Variants in ODAD2 observed in about 807,000 individuals in gnomAD.
ODAD2 encodes outer dynein arm docking complex subunit 2, also known as outer dynein arm-docking complex subunit 2.
Under a neutral mutation model 106.8 loss-of-function variants are expected in ODAD2, and 89 were observed. That is an observed-to-expected ratio of 0.83 (90% CI 0.70 to 0.99). The LOEUF (loss-of-function observed/expected upper bound fraction) is 0.99, where lower values mean the gene tolerates loss of function less well. ODAD2 is among the 50% of genes least tolerant of loss of function. The pLI, the probability that ODAD2 is intolerant of heterozygous loss-of-function variation, is 0.00. For synonymous variants in ODAD2, 404 were observed against 436.2 expected, an observed-to-expected ratio of 0.93 and a Z score of 0.92; for missense variants, 1,168 against 1,238.5, an observed-to-expected ratio of 0.94 and a Z score of 0.85.
chr10:27,853,521 A>C (rs1839440972), intron 19 of ODAD2, among the ~76,000 whole-genome samples: 1 of 152,280 alleles, frequency 6.6e-6, no homozygotes, highest in East Asian at 1.9e-4. Flanking sequence ...AAAAAAACCA[A>C]GGGTGTCTAT....
rs933128345 is a variant in ODAD2 at position 27,984,313 on chromosome 10, C to T, written c.576-23G>A. On this transcript the variant is annotated intron_variant, in intron 4 of 19. Coordinates refer to ENST00000305242, the MANE Select transcript of ODAD2 (RefSeq NM_018076.5). ...TCTCTGAAATAAATGTTTAAAATGT[C>T]AGCTTAAATACTTTAAACAGAATCT... 4.1e-6 allele frequency: 6 copies of T among 1,473,738 alleles called. No individual in the cohort carries two copies. In the African/African-American group the frequency reaches 6.9e-5, roughly 17 times the overall value. 91.3% of individuals were successfully genotyped at this position (1,473,738 alleles called of 1,614,324 possible).
chr10:27,892,613 A>G (rs2133719359), intron 17 of ODAD2, among the ~76,000 whole-genome samples: 1 of 152,376 alleles, frequency 6.6e-6, no homozygotes, highest in African/African-American at 2.4e-5. Flanking sequence ...GAAGTTTTAA[A>G]CTTAACTGAA....
At chr10:27,818,574 T>C (rs755277921) in intron 19 of ODAD2, among the ~76,000 whole-genome samples, 2 of 152,214 alleles carry the variant, frequency 1.3e-5, no homozygotes, top group Non-Finnish European at 2.9e-5. Context: ...GACCTAATCC[T>C]ATACTAAGAG....
intron 17 of ODAD2, among the ~76,000 whole-genome samples, chr10:27,894,514 T>A (rs1319370002): frequency 6.6e-6 from 1 of 151,958 alleles, no homozygotes; most frequent in African/African-American, 2.4e-5. Flanking sequence ...ATGCTAAAAT[T>A]TTTACCAAAG....
chr10:27,937,467 C>G (rs1225454779), intron 14 of ODAD2, among the ~76,000 whole-genome samples: 1 of 151,694 alleles, frequency 6.6e-6, no homozygotes, highest in Non-Finnish European at 1.5e-5. Context: ...TTTCTCCAAT[C>G]AAGTTTCTAT....
At chr10:27,972,128 A>G (rs1181341549) in intron 7 of ODAD2, among the ~76,000 whole-genome samples, 1 of 152,208 alleles carries the variant, frequency 6.6e-6, no homozygotes, top group Non-Finnish European at 1.5e-5. Flanking sequence ...AATGTGTGAC[A>G]ACAATAACAC....
At chr10:27,827,949 C>T (rs928122100) in intron 19 of ODAD2, among the ~76,000 whole-genome samples, 4 of 152,030 alleles carry the variant, frequency 2.6e-5, no homozygotes, top group South Asian at 2.1e-4. Context: ...TTCTAGCAAG[C>T]GGATTGGCCA....
At chr10:27,883,619 A>C (rs983090872) in intron 17 of ODAD2, among the ~76,000 whole-genome samples, 1 of 152,160 alleles carries the variant, frequency 6.6e-6, no homozygotes, top group Non-Finnish European at 1.5e-5. Context: ...AGTTATTATA[A>C]ACATATTTGC....
intron 10 of ODAD2, among the ~76,000 whole-genome samples, chr10:27,946,760 G>T (rs1169710775): frequency 2.0e-5 from 3 of 152,058 alleles, no homozygotes; most frequent in African/African-American, 7.2e-5. Context: ...TCCTTCTTAT[G>T]ACACATGTAC....
chr10:27,991,639 G>T (rs1850246229), intron 2 of ODAD2, among the ~76,000 whole-genome samples: 1 of 152,092 alleles, frequency 6.6e-6, no homozygotes, highest in Non-Finnish European at 1.5e-5. Flanking sequence ...ATCTACTTCG[G>T]CAGAATTTCA....
At chr10:27,966,539 T>C (rs1848500173) in intron 9 of ODAD2, among the ~76,000 whole-genome samples, 1 of 152,192 alleles carries the variant, frequency 6.6e-6, no homozygotes. Flanking sequence ...TTTGATATGA[T>C]TTCTTCCAAT....
intron 10 of ODAD2, among the ~76,000 whole-genome samples, chr10:27,947,820 G>A (rs1041333559): frequency 5.3e-5 from 8 of 152,158 alleles, no homozygotes; most frequent in Admixed American, 2.0e-4. Flanking sequence ...CCAGGTCTAC[G>A]CAGTGAAGAA....
rs71391007 is a variant in ODAD2 at position 27,998,930 on chromosome 10, G to GCGC, written c.-39+61_-39+63dup. 138 of 156,354 alleles carry GCGC rather than the reference G, an allele frequency of 8.8e-4. 1 individual carries two copies. The highest frequency in any genetic ancestry group is 2.3e-3 in the African/African-American group (95 of 41,412). The allele number at this position is 156,354 out of a possible 1,614,324, so 9.7% of individuals were successfully genotyped here. On this transcript the variant is annotated intron_variant, in intron 1 of 19. Coordinates refer to ENST00000305242, the MANE Select transcript of ODAD2 (RefSeq NM_018076.5). ...CTACAGGGCCCGTGCCCTCCCCCGGGCGCCGCCGCCGCCGCCTTCCGCTCC... is the reference window on the plus strand; with the variant it reads ...CTACAGGGCCCGTGCCCTCCCCCGGGCGCCGCCGCCGCCGCCGCCTTCCGCTCC...
At chr10:27,871,072 T>C (rs987243614) in intron 17 of ODAD2, among the ~76,000 whole-genome samples, 1 of 152,220 alleles carries the variant, frequency 6.6e-6, no homozygotes, top group African/African-American at 2.4e-5. Context: ...TGGTATCTCA[T>C]TGTGGTTTTG....
intron 6 of ODAD2, among the ~76,000 whole-genome samples, chr10:27,983,522 G>GTTTCTTT (rs997164807): frequency 1.3e-5 from 2 of 152,178 alleles, no homozygotes; most frequent in African/African-American, 4.8e-5. Flanking sequence ...TTATCTCAAT[G>GTTTCTTT]TTTCTTTTTT....
intron 6 of ODAD2, among the ~76,000 whole-genome samples, chr10:27,982,977 A>C (rs1849656427): frequency 1.3e-5 from 2 of 152,170 alleles, no homozygotes; most frequent in Non-Finnish European, 2.9e-5. Flanking sequence ...CTAGGTTATT[A>C]GGCTCCGTCA....
At chr10:27,847,923 G>C (rs1838907735) in intron 19 of ODAD2, among the ~76,000 whole-genome samples, 1 of 152,102 alleles carries the variant, frequency 6.6e-6, no homozygotes, top group Non-Finnish European at 1.5e-5. Flanking sequence ...AATAAAAGAG[G>C]ATACAAACAA....
chr10:27,973,074 C>A (rs1331236850), intron 7 of ODAD2, among the ~76,000 whole-genome samples: 1 of 151,988 alleles, frequency 6.6e-6, no homozygotes, highest in Non-Finnish European at 1.5e-5. Context: ...TGGAATTGAA[C>A]TAGAAATTAG....
chr10:27,860,897 G>GA, intron 18 of ODAD2, 51 bp from the exon 19 acceptor site: 1 of 1,494,428 alleles, frequency 6.7e-7, no homozygotes, highest in African/African-American at 1.4e-5. Context: ...GACCCTGCAA[G>GA]ATCATGTCTA....
Sources: gnomAD v4.1 joint callset for allele counts (sites outside exome capture counted in the v4.1 genomes callset) on GRCh38, gnomAD v4.1.1 for gene constraint, MANE v1.5 for transcripts, NCBI Gene and HGNC (gene_info 2026-07-23, HGNC 2026-07-21) for gene names.